Variants in ADGRL3 observed in about 807,000 individuals in gnomAD.
The protein encoded by ADGRL3 is calcium-independent alpha-latrotoxin receptor 3.
In ADGRL3, 62 loss-of-function variants were observed where a neutral mutation model predicts 153.5. The observed-to-expected ratio is 0.40, with a 90% confidence interval of 0.33 to 0.50. ADGRL3 has a LOEUF of 0.50. Ranked by LOEUF, ADGRL3 falls within the 20% of genes least tolerant of loss-of-function variation. The pLI, the probability that ADGRL3 is intolerant of heterozygous loss-of-function variation, is 0.47. For synonymous variants in ADGRL3, 710 were observed against 672.5 expected (o/e 1.06, Z -0.86); for missense variants, 1,641 against 1,859.4 (o/e 0.88, Z 2.16).
intron 6 of ADGRL3, among the ~76,000 whole-genome samples, chr4:61,685,086 T>A (rs2095417928): frequency 6.6e-6 from 1 of 151,958 alleles, no homozygotes. Context: ...TGGCTAATTT[T>A]TTTAATTTTT....
intron 8 of ADGRL3, among the ~76,000 whole-genome samples, chr4:61,784,626 A>G (rs564471103): frequency 2.6e-5 from 4 of 152,252 alleles, no homozygotes; most frequent in African/African-American, 9.6e-5. Context: ...AATGACACCT[A>G]GAACAAAGGT....
intron 5 of ADGRL3, among the ~76,000 whole-genome samples, chr4:61,623,038 A>AGTTTTTC (rs1271910186): frequency 6.6e-6 from 1 of 152,152 alleles, no homozygotes; most frequent in African/African-American, 2.4e-5. Flanking sequence ...AGACCGATAA[A>AGTTTTTC]TAGAAAATGG....
intron 13 of ADGRL3, among the ~76,000 whole-genome samples, chr4:61,916,851 G>T (rs2149911741): frequency 6.6e-6 from 1 of 152,134 alleles, no homozygotes; most frequent in East Asian, 1.9e-4. Flanking sequence ...TACTCAGAAG[G>T]CTGAGGCAGG....
intron 8 of ADGRL3, among the ~76,000 whole-genome samples, chr4:61,735,452 G>A (rs958906796): frequency 9.9e-5 from 15 of 152,162 alleles, no homozygotes; most frequent in African/African-American, 2.2e-4. Flanking sequence ...CTGACTCACC[G>A]CTGTACAGGT....
At chr4:61,561,014 T>A (rs1413705397) in intron 4 of ADGRL3, among the ~76,000 whole-genome samples, 2 of 152,164 alleles carry the variant, frequency 1.3e-5, no homozygotes. Context: ...CAAGTATCTT[T>A]TATTTAACAT....
At chr4:61,757,016 G>A (rs1213325229) in intron 8 of ADGRL3, among the ~76,000 whole-genome samples, 3 of 152,122 alleles carry the variant, frequency 2.0e-5, no homozygotes, top group Non-Finnish European at 4.4e-5. Context: ...GCTGGATTCG[G>A]TTTGCCAGAA....
At chr4:61,754,115 C>T (rs1452524114) in intron 8 of ADGRL3, among the ~76,000 whole-genome samples, 1 of 152,136 alleles carries the variant, frequency 6.6e-6, no homozygotes, top group East Asian at 1.9e-4. Context: ...TAATCATTGG[C>T]CCCATGAAAT....
intron 9 of ADGRL3, among the ~76,000 whole-genome samples, chr4:61,818,212 C>T (rs1188330385): frequency 6.6e-6 from 1 of 152,096 alleles, no homozygotes; most frequent in Non-Finnish European, 1.5e-5. Flanking sequence ...TACAGCCATT[C>T]CAAATGGAAG....
chr4:61,270,799 T>C (rs1036288783), intron 1 of ADGRL3, among the ~76,000 whole-genome samples: 2 of 151,720 alleles, frequency 1.3e-5, no homozygotes, highest in Non-Finnish European at 3.0e-5. Flanking sequence ...ATGACTTTAC[T>C]GATCAGTTTT....
chr4:61,256,563 G>A (rs941226739), intron 1 of ADGRL3, among the ~76,000 whole-genome samples: 9 of 152,068 alleles, frequency 5.9e-5, no homozygotes, highest in East Asian at 1.9e-4. Flanking sequence ...ATAAATTTTC[G>A]GAGATTAGCA....
At chr4:61,568,703 T>C (rs567462413) in intron 4 of ADGRL3, among the ~76,000 whole-genome samples, 20 of 152,304 alleles carry the variant, frequency 1.3e-4, no homozygotes, top group Admixed American at 9.8e-4. Flanking sequence ...TTCATCCTCA[T>C]TGAAAATTCT....
chr4:62,024,260 A>C (rs530608681), intron 21 of ADGRL3, among the ~76,000 whole-genome samples: 1 of 152,232 alleles, frequency 6.6e-6, no homozygotes, highest in African/African-American at 2.4e-5. Flanking sequence ...TCTATTATTT[A>C]AAGTTTAATA....
At chr4:61,758,800 T>C (rs935038000) in intron 8 of ADGRL3, among the ~76,000 whole-genome samples, 3 of 152,224 alleles carry the variant, frequency 2.0e-5, no homozygotes, top group Admixed American at 2.0e-4. Flanking sequence ...TTTGGCATGA[T>C]TTTGCAGTGG....
At position 61,460,072 on chromosome 4, in the gene ADGRL3, T is replaced by G. The variant is rs184075124; in HGVS notation, c.-173-37049T>G. Among the ~76,000 whole-genome samples the G allele has an allele frequency of 3.6e-3, 550 of 152,310 alleles. 3 individuals are homozygous for G. The highest frequency in any genetic ancestry group is 7.3e-3 in the South Asian group (35 of 4,816). ...GCTTCCTTTGCTGTACAGAAGCTTT[T>G]TAGTTTAATGCGATCTCTTTTGTCT... On this transcript the variant is annotated intron_variant, in intron 2 of 26. Transcript: ENST00000683033.
At chr4:61,417,501 G>GA (rs1019156310) in intron 2 of ADGRL3, among the ~76,000 whole-genome samples, 10 of 145,686 alleles carry the variant, frequency 6.9e-5, no homozygotes, top group Non-Finnish European at 1.4e-4. Context: ...AAACAAAAAC[G>GA]AAAAAAAACA....
intron 5 of ADGRL3, among the ~76,000 whole-genome samples, chr4:61,638,493 T>G (rs1454941462): frequency 1.3e-5 from 2 of 152,170 alleles, no homozygotes; most frequent in African/African-American, 4.8e-5. Context: ...GTTTTTGGTA[T>G]GTAATTTGCA....
At chr4:61,338,252 G>C (rs2095724872) in intron 1 of ADGRL3, among the ~76,000 whole-genome samples, 1 of 150,370 alleles carries the variant, frequency 6.7e-6, no homozygotes, top group Non-Finnish European at 1.5e-5. Context: ...GCCTGGGAGT[G>C]ATAAGTGAGA....
At chr4:61,900,444 C>T (rs972373416) in intron 11 of ADGRL3, among the ~76,000 whole-genome samples, 2 of 152,102 alleles carry the variant, frequency 1.3e-5, no homozygotes, top group Non-Finnish European at 2.9e-5. Flanking sequence ...GAGTGGATTA[C>T]TTTTCACTAG....
Position 61,676,279 on chromosome 4 carries a change from T to C in ADGRL3, c.474-547T>C, listed in dbSNP as rs369914643. 3.3e-4 allele frequency among the ~76,000 whole-genome samples: 50 copies of C among 152,096 alleles called. No homozygotes were observed. The South Asian group carries it at 9.7e-3, about 30-fold the overall frequency. Reference sequence around the variant, plus strand: ...GTTTTAATAAGTAGTAATATTATATTAATTTTTACAAAATAAATTCAAATA... The same window carrying C: ...GTTTTAATAAGTAGTAATATTATATCAATTTTTACAAAATAAATTCAAATA... On this transcript the variant is annotated intron_variant, in intron 5 of 26. Coordinates refer to ENST00000683033, the MANE Select transcript of ADGRL3 (RefSeq NM_001387552.1).
Sources: gnomAD v4.1 joint callset for allele counts (sites outside exome capture counted in the v4.1 genomes callset) on GRCh38, gnomAD v4.1.1 for gene constraint, MANE v1.5 for transcripts, NCBI Gene and HGNC (gene_info 2026-07-23, HGNC 2026-07-21) for gene names.